Variants in CSMD1 observed in about 807,000 individuals in gnomAD.
The protein encoded by CSMD1 is CUB and Sushi multiple domains 1.
CSMD1 carries 213 observed loss-of-function variants against 417.5 expected under a neutral mutation model. The ratio of observed to expected loss-of-function variants is 0.51; its 90% CI spans 0.46 to 0.57. The LOEUF is 0.57. Ranked by LOEUF, CSMD1 falls within the 20% of genes least tolerant of loss-of-function variation. The pLI is 0.00. For missense variants in CSMD1, 6,923 were observed against 4,529.7 expected, an observed-to-expected ratio of 1.53 and a Z score of -15.17; for synonymous variants, 2,862 against 1,736.8, an observed-to-expected ratio of 1.65 and a Z score of -16.11.
intron 1 of CSMD1, among the ~76,000 whole-genome samples, chr8:4,778,446 C>G (rs1455739798): frequency 1.3e-5 from 2 of 152,056 alleles, no homozygotes; most frequent in Non-Finnish European, 2.9e-5. Context: ...TGGACTTTTT[C>G]CAGGAATTGT....
intron 3 of CSMD1, among the ~76,000 whole-genome samples, chr8:4,051,005 G>A (rs1469241289): frequency 2.0e-5 from 3 of 152,044 alleles, no homozygotes; most frequent in Admixed American, 6.6e-5. Flanking sequence ...CTACTTTTAA[G>A]GAGGAAGGAG....
chr8:3,500,412 G>T (rs1362488058), intron 10 of CSMD1, among the ~76,000 whole-genome samples: 1 of 152,108 alleles, frequency 6.6e-6, no homozygotes, highest in African/African-American at 2.4e-5. Flanking sequence ...CTTGGGAGAG[G>T]TTCACGACCA....
At chr8:4,779,145 T>C (rs564481359) in intron 1 of CSMD1, among the ~76,000 whole-genome samples, 309 of 152,348 alleles carry the variant, frequency 2.0e-3, no homozygotes, top group Non-Finnish European at 3.4e-3. Context: ...TCCTTGGGAA[T>C]TAACTGAAGT....
intron 36 of CSMD1, among the ~76,000 whole-genome samples, chr8:3,185,213 C>G (rs1563122222): frequency 6.6e-6 from 1 of 152,144 alleles, no homozygotes; most frequent in African/African-American, 2.4e-5. Flanking sequence ...CGTGCTAACT[C>G]CAGGAAATTA....
intron 9 of CSMD1, among the ~76,000 whole-genome samples, chr8:3,576,217 G>A (rs908991706): frequency 6.6e-6 from 1 of 151,684 alleles, no homozygotes; most frequent in African/African-American, 2.4e-5. Context: ...CTGAACGCAG[G>A]TTTTCCAAAG....
intron 26 of CSMD1, among the ~76,000 whole-genome samples, chr8:3,241,761 T>C (rs186583374): frequency 0.014 from 2,111 of 152,182 alleles, 49 homozygotes; most frequent in African/African-American, 0.047. Flanking sequence ...GTGCTGGAGA[T>C]GTGGCTGGGG....
chr8:3,822,643 C>A (rs560352325), intron 5 of CSMD1, among the ~76,000 whole-genome samples: 1 of 152,300 alleles, frequency 6.6e-6, no homozygotes, highest in South Asian at 2.1e-4. Flanking sequence ...TGCTTTATTA[C>A]ATTCCGTCTT....
intron 26 of CSMD1, among the ~76,000 whole-genome samples, chr8:3,250,986 G>A (rs1445098327): frequency 6.6e-6 from 1 of 152,126 alleles, no homozygotes; most frequent in Non-Finnish European, 1.5e-5. Flanking sequence ...TGAGTAGATT[G>A]TGAAAATTTT....
chr8:4,635,131 C>T (rs1452277868), intron 2 of CSMD1, among the ~76,000 whole-genome samples: 1 of 152,070 alleles, frequency 6.6e-6, no homozygotes, highest in Non-Finnish European at 1.5e-5. Context: ...CTGAGTGATT[C>T]ATATGAACCT....
At chr8:4,461,173 G>A (rs1799794828) in intron 2 of CSMD1, among the ~76,000 whole-genome samples, 1 of 106,932 alleles carries the variant, frequency 9.4e-6, no homozygotes, top group Non-Finnish European at 2.0e-5. Flanking sequence ...CAGATAAAAA[G>A]TGACAAAATT....
intron 5 of CSMD1, among the ~76,000 whole-genome samples, chr8:3,940,627 T>C (rs145054932): frequency 7.2e-4 from 110 of 151,982 alleles, no homozygotes; most frequent in African/African-American, 2.4e-3. Flanking sequence ...TGCCAATCAA[T>C]ATGTAACCTT....
At chr8:4,899,263 C>A (rs1015978574) in intron 1 of CSMD1, among the ~76,000 whole-genome samples, 1 of 152,086 alleles carries the variant, frequency 6.6e-6, no homozygotes, top group Non-Finnish European at 1.5e-5. Flanking sequence ...AAGGTATTGC[C>A]ATCCATGCAT....
At chr8:3,470,054 AGT>A (rs1816999431) in intron 11 of CSMD1, among the ~76,000 whole-genome samples, 1 of 152,030 alleles carries the variant, frequency 6.6e-6, no homozygotes, top group South Asian at 2.1e-4. Context: ...ATTTTTACAA[AGT>A]GAACCGCCAC....
At chr8:4,141,884 G>T (rs976099358) in intron 3 of CSMD1, among the ~76,000 whole-genome samples, 1 of 151,022 alleles carries the variant, frequency 6.6e-6, no homozygotes, top group East Asian at 1.9e-4. Flanking sequence ...AATCCTACAA[G>T]GAGGAAAGAA....
intron 3 of CSMD1, among the ~76,000 whole-genome samples, chr8:4,144,206 C>A (rs1563181623): frequency 6.6e-6 from 1 of 151,016 alleles, no homozygotes. Context: ...GCCCCTAGAT[C>A]TTGGGCTTCT....
chr8:4,256,724 C>T (rs1298786660), intron 3 of CSMD1, among the ~76,000 whole-genome samples: 2 of 152,056 alleles, frequency 1.3e-5, no homozygotes, highest in East Asian at 1.9e-4. Context: ...AGGAAGGCGC[C>T]AGGCACAGTT....
intron 5 of CSMD1, among the ~76,000 whole-genome samples, chr8:3,811,554 C>A (rs576003025): frequency 6.6e-6 from 1 of 152,044 alleles, no homozygotes; most frequent in East Asian, 1.9e-4. Context: ...TTTCTCTGCA[C>A]GCCTGACCAC....
At chr8:4,616,836 G>C (rs1338259334) in intron 2 of CSMD1, among the ~76,000 whole-genome samples, 1 of 152,032 alleles carries the variant, frequency 6.6e-6, no homozygotes, top group Non-Finnish European at 1.5e-5. Flanking sequence ...TTGGTCTTCT[G>C]GGCTTATTCA....
chr8:3,030,978 G>A (rs1475944919), intron 50 of CSMD1, among the ~76,000 whole-genome samples: 1 of 151,908 alleles, frequency 6.6e-6, no homozygotes, highest in Non-Finnish European at 1.5e-5. Context: ...TAATTTAAAA[G>A]TAATCCTTAG....
Sources: allele counts gnomAD v4.1 joint callset (sites outside exome capture counted in the v4.1 genomes callset), GRCh38; gene constraint gnomAD v4.1.1; transcripts MANE v1.5; gene names NCBI Gene and HGNC (gene_info 2026-07-23, HGNC 2026-07-21).